The following UGGT2 variants were observed in gnomAD, a reference collection of about 807,000 sequenced individuals.
UGGT2 encodes the protein UDP-glucose:glycoprotein glucosyltransferase 2.
Under a neutral mutation model 192.1 loss-of-function variants are expected in UGGT2, and 180 were observed. The ratio of observed to expected loss-of-function variants is 0.94; its 90% CI spans 0.83 to 1.06. The LOEUF is 1.06. UGGT2 is among the 50% of genes least tolerant of loss of function. The probability of loss-of-function intolerance (pLI) is 0.00; values close to 1 mark genes in which losing one functional copy is unlikely to be tolerated. For synonymous variants in UGGT2, 580 were observed against 591.0 expected, an observed-to-expected ratio of 0.98 and a Z score of 0.27; for missense variants, 1,849 against 1,795.7, an observed-to-expected ratio of 1.03 and a Z score of -0.54.
intron 20 of UGGT2, among the ~76,000 whole-genome samples, chr13:95,916,149 GGGCT>G (rs1472188452): frequency 2.0e-5 from 3 of 152,150 alleles, no homozygotes; most frequent in African/African-American, 7.2e-5. Flanking sequence ...AGGTGTGTTT[GGGCT>G]GGCAATAGGT....
chr13:95,963,522 T>A (rs956442411), intron 12 of UGGT2, among the ~76,000 whole-genome samples: 1 of 152,142 alleles, frequency 6.6e-6, no homozygotes, highest in East Asian at 1.9e-4. Context: ...CTATTCAATG[T>A]GGTACTGGAA....
chr13:95,824,698 A>G (rs1055258072), intron 38 of UGGT2, among the ~76,000 whole-genome samples: 2 of 152,080 alleles, frequency 1.3e-5, no homozygotes, highest in African/African-American at 4.8e-5. Flanking sequence ...ATTTTAAAAA[A>G]ATTATGTTGG....
intron 27 of UGGT2, among the ~76,000 whole-genome samples, chr13:95,880,070 G>C (rs755884927): frequency 2.0e-5 from 3 of 152,076 alleles, no homozygotes; most frequent in Non-Finnish European, 2.9e-5. Flanking sequence ...CAGGCCCCGG[G>C]TGTGTGATGT....
intron 17 of UGGT2, 105 bp from the exon 18 acceptor site, chr13:95,927,441 AT>A: frequency 1.0e-6 from 1 of 954,024 alleles, no homozygotes; most frequent in Non-Finnish European, 1.5e-6. Flanking sequence ...TAAATAAGCA[AT>A]TTAGAATTAT....
intron 17 of UGGT2, among the ~76,000 whole-genome samples, chr13:95,929,160 G>A (rs1024727949): frequency 1.6e-4 from 25 of 152,186 alleles, no homozygotes; most frequent in African/African-American, 6.0e-4. Context: ...TCCAGCCTCG[G>A]CTTGGCATCA....
chr13:96,041,404 G>A (rs1239941126), intron 1 of UGGT2, among the ~76,000 whole-genome samples: 2 of 152,172 alleles, frequency 1.3e-5, no homozygotes, highest in Non-Finnish European at 2.9e-5. Flanking sequence ...CCTCGGGTAG[G>A]GCTGCCAGAG....
intron 12 of UGGT2, among the ~76,000 whole-genome samples, chr13:95,963,519 A>G (rs1452569117): frequency 6.6e-6 from 1 of 152,190 alleles, no homozygotes; most frequent in Non-Finnish European, 1.5e-5. Context: ...CTCCTATTCA[A>G]TGTGGTACTG....
intron 38 of UGGT2, among the ~76,000 whole-genome samples, chr13:95,802,462 T>C (rs963341815): frequency 6.6e-6 from 1 of 152,184 alleles, no homozygotes; most frequent in South Asian, 2.1e-4. Context: ...CTTCACTAAA[T>C]TCTACTGGAA....
intron 20 of UGGT2, among the ~76,000 whole-genome samples, chr13:95,907,325 C>T (rs1380199287): frequency 6.6e-6 from 1 of 152,196 alleles, no homozygotes; most frequent in East Asian, 1.9e-4. Context: ...CCTGTGTGGG[C>T]AGGGCTTAGC....
chr13:95,858,153 G>GCCC (rs1432431874), intron 33 of UGGT2, among the ~76,000 whole-genome samples: 4 of 151,666 alleles, frequency 2.6e-5, no homozygotes, highest in Non-Finnish European at 5.9e-5. Context: ...TTCATATCAG[G>GCCC]CCTATGCTAT....
At position 96,053,260 on chromosome 13, in the gene UGGT2, G is replaced by A; in HGVS notation, c.53C>T (p.Ala18Val). 6.4e-7 allele frequency: 1 copy of A among 1,569,250 alleles called. No homozygotes were observed. Among genetic ancestry groups the A allele is most frequent in the Non-Finnish European group, 8.6e-7 (1 of 1,165,602 alleles). The part of the protein sequence containing the change: ...NVVRLLLGST[A>V]LWLSQLGSGT... ...GGAGCCGAGCTGCGAAAGCCACAGCGCTGTGGAGCCTAGTAGCAGCCGCAC... is the reference window on the plus strand; with the variant it reads ...GGAGCCGAGCTGCGAAAGCCACAGCACTGTGGAGCCTAGTAGCAGCCGCAC... Residue 18 changes from alanine to valine, a missense_variant, in exon 1 of 39, where the codon GCG becomes GTG. Coordinates refer to ENST00000376747, the MANE Select transcript of UGGT2 (RefSeq NM_020121.4).
chr13:95,914,750 C>T (rs1430258469), intron 20 of UGGT2, among the ~76,000 whole-genome samples: 3 of 151,620 alleles, frequency 2.0e-5, no homozygotes, highest in Non-Finnish European at 1.5e-5. Context: ...ATGCAGTGAG[C>T]CGAGACTGCA....
At chr13:96,018,456 C>T (rs2052406219) in intron 4 of UGGT2, among the ~76,000 whole-genome samples, 1 of 152,086 alleles carries the variant, frequency 6.6e-6, no homozygotes, top group African/African-American at 2.4e-5. Flanking sequence ...GCAGAAGTTG[C>T]AGTAAGCCAA....
rs904926155 is a variant in UGGT2, at chr13:95,863,039, T to G, written c.3644+590A>C. On this transcript the variant is annotated intron_variant, in intron 31 of 38. Transcript: ENST00000376747. ...CATCACAACAGGCTAATTTTTAAATTTTTTGTAGATACAGGGTCTCACTAT... is the reference window on the plus strand; with the variant it reads ...CATCACAACAGGCTAATTTTTAAATGTTTTGTAGATACAGGGTCTCACTAT... Among the ~76,000 whole-genome samples the G allele has an allele frequency of 2.6e-5, 4 of 152,210 alleles. No individual in the cohort carries two copies. The East Asian group carries it at 5.8e-4, about 22-fold the overall frequency.
At chr13:95,976,555 T>A (rs1308506065) in intron 10 of UGGT2, among the ~76,000 whole-genome samples, 1 of 152,128 alleles carries the variant, frequency 6.6e-6, no homozygotes, top group Non-Finnish European at 1.5e-5. Flanking sequence ...TGCACAAGGG[T>A]TCCCCTTTCT....
chr13:95,966,165 T>C (rs1056871051), intron 12 of UGGT2, among the ~76,000 whole-genome samples: 3 of 152,190 alleles, frequency 2.0e-5, no homozygotes, highest in Non-Finnish European at 4.4e-5. Flanking sequence ...AACAGATGAA[T>C]GGATAAAGAA....
At chr13:96,051,476 T>TA (rs200085982) in intron 1 of UGGT2, among the ~76,000 whole-genome samples, 3 of 151,370 alleles carry the variant, frequency 2.0e-5, no homozygotes, top group East Asian at 1.9e-4. Context: ...AGTATAATAA[T>TA]AAAAAAAATA....
Position 95,831,585 on chromosome 13 carries a change from ACAT to A in UGGT2, c.4528+1339_4528+1341del, listed in dbSNP as rs372139463. Among the ~76,000 whole-genome samples the A allele has an allele frequency of 5.4e-4, 82 of 152,212 alleles. 1 individual carries two copies. In the East Asian group the frequency reaches 0.014, roughly 26 times the overall value. ...AATGCTATAATAAACACCAATATAG[ACAT>A]CATTTTTCTTTTTTTAAGTTTGTTG... On this transcript the variant is annotated intron_variant, in intron 38 of 38. Coordinates refer to ENST00000376747, the MANE Select transcript of UGGT2 (RefSeq NM_020121.4).
intron 5 of UGGT2, among the ~76,000 whole-genome samples, chr13:96,003,589 G>C (rs761584227): frequency 1.3e-5 from 2 of 152,158 alleles, no homozygotes; most frequent in African/African-American, 4.8e-5. Context: ...AAGAGGTATT[G>C]CAAGTTCTAC....
Sources: allele counts gnomAD v4.1 joint callset (sites outside exome capture counted in the v4.1 genomes callset), GRCh38; gene constraint gnomAD v4.1.1; transcripts MANE v1.5; gene names NCBI Gene and HGNC (gene_info 2026-07-23, HGNC 2026-07-21).